The following TMEM150C variants were observed in gnomAD, a reference collection of about 807,000 sequenced individuals.
TMEM150C encodes the protein tentonin 3.
Under a neutral mutation model 29.9 loss-of-function variants are expected in TMEM150C, and 10 were observed. That is an observed-to-expected ratio of 0.33 (90% confidence interval 0.21 to 0.57). The LOEUF (loss-of-function observed/expected upper bound fraction) is 0.57, where lower values mean the gene tolerates loss of function less well. TMEM150C is among the 20% of genes least tolerant of loss of function. The pLI is 0.88. For missense variants in TMEM150C, 251 were observed against 303.6 expected (o/e 0.83, Z 1.29); for synonymous variants, 101 against 112.5 (o/e 0.90, Z 0.64).
chr4:82,491,073 A>T (rs772621777), intron 6 of TMEM150C: 90 of 716,126 alleles, frequency 1.3e-4, no homozygotes, highest in Non-Finnish European at 2.2e-4. Context: ...CTTCCTCTTG[A>T]TAATGCAGCA....
intron 1 of TMEM150C, among the ~76,000 whole-genome samples, chr4:82,524,430 C>T (rs139616145): frequency 3.3e-5 from 5 of 152,134 alleles, no homozygotes; most frequent in Admixed American, 6.5e-5. Context: ...GGGACCCCCA[C>T]GTTTCATTAT....
chr4:82,504,425 T>C (rs1402654061), intron 2 of TMEM150C, among the ~76,000 whole-genome samples, 153 bp downstream of exon 2: 1 of 152,090 alleles, frequency 6.6e-6, no homozygotes, highest in Non-Finnish European at 1.5e-5. Context: ...GGTCTCAAAC[T>C]CCTGACCTCA....
At position 82,490,097 on chromosome 4, in the gene TMEM150C, T is replaced by G. The variant is rs1403220977; in HGVS notation, c.505A>C (p.Ile169Leu). The G allele has an allele frequency of 4.3e-6, 7 of 1,613,998 alleles. No homozygotes were observed. In the South Asian group the frequency reaches 7.7e-5, roughly 18 times the overall value. Reference sequence around the variant, plus strand: ...CAGAGAGTGATAGATGCCGACAGAATAACCCGTGGAATTCCAACTCTCCGT... The same window carrying G: ...CAGAGAGTGATAGATGCCGACAGAAGAACCCGTGGAATTCCAACTCTCCGT... The part of the protein sequence containing the change: ...EGRRVGIPRV[I>L]LSASITLCVV... Residue 169 changes from isoleucine to leucine, a missense_variant, in exon 7 of 8, where the codon ATT becomes CTT. Transcript: ENST00000449862.
chr4:82,518,303 G>A lies in TMEM150C; in HGVS notation c.-10-13636C>T, dbSNP rs142240542. Reference sequence around the variant, plus strand: ...TCCACTCCAGCCTGGATGACAGAGCGAGACCCCATCTCAAAAAAAAAAAAA... The same window carrying A: ...TCCACTCCAGCCTGGATGACAGAGCAAGACCCCATCTCAAAAAAAAAAAAA... On this transcript the variant is annotated intron_variant, in intron 1 of 7. Transcript: ENST00000449862. Among the ~76,000 whole-genome samples, 1,362 of 151,572 alleles carry A rather than the reference G, an allele frequency of 9.0e-3. 25 individuals are homozygous for A. The highest frequency in any genetic ancestry group is 0.03 in the African/African-American group (1,259 of 41,292).
chr4:82,495,715 C>G (rs1253044891), intron 6 of TMEM150C: 3 of 302,072 alleles, frequency 9.9e-6, no homozygotes, highest in Middle Eastern at 4.1e-4. Flanking sequence ...AAACAAGAAA[C>G]CTTGTTTGTT....
In TMEM150C at chr4:82,503,052, A is replaced by C; in HGVS notation, c.134+7T>G. The C allele has an allele frequency of 6.2e-7, 1 of 1,612,556 alleles. No individual in the cohort carries two copies. Among genetic ancestry groups the C allele is most frequent in the Non-Finnish European group, 8.5e-7 (1 of 1,179,314 alleles). ...TGAACAACGAATTACCCACAGATAA[A>C]CTTTACCTTTCAGCTGAATTTAATG... is the stretch of plus-strand genomic sequence containing the variant. On this transcript the variant is annotated splice_region_variant and intron_variant, in intron 3 of 7. Transcript: ENST00000449862.
At chr4:82,510,932 C>A (rs958120863) in intron 1 of TMEM150C, among the ~76,000 whole-genome samples, 6 of 152,174 alleles carry the variant, frequency 3.9e-5, no homozygotes, top group African/African-American at 1.4e-4. Flanking sequence ...ATTATCTTAT[C>A]ATTCATTTGT....
intron 1 of TMEM150C, among the ~76,000 whole-genome samples, chr4:82,561,417 T>A (rs1317962505): frequency 1.3e-5 from 2 of 152,224 alleles, no homozygotes; most frequent in Non-Finnish European, 2.9e-5. Context: ...CGAGCCAGCC[T>A]GACCTGGCTA....
intron 1 of TMEM150C, among the ~76,000 whole-genome samples, chr4:82,530,269 G>A (rs1724796571): frequency 6.6e-6 from 1 of 151,976 alleles, no homozygotes; most frequent in Admixed American, 6.6e-5. Context: ...AAACCATCCT[G>A]TTCAGGGGCC....
intron 1 of TMEM150C, among the ~76,000 whole-genome samples, chr4:82,556,790 A>T (rs1725750640): frequency 6.6e-6 from 1 of 152,346 alleles, no homozygotes; most frequent in South Asian, 2.1e-4. Flanking sequence ...AATAAAAAAG[A>T]TTATATGGAG....
chr4:82,541,113 C>A (rs1453149419), intron 1 of TMEM150C, among the ~76,000 whole-genome samples: 1 of 152,110 alleles, frequency 6.6e-6, no homozygotes, highest in Non-Finnish European at 1.5e-5. Context: ...CAGGGTTTGG[C>A]ACATACTAGA....
At chr4:82,531,646 G>A (rs1042553326) in intron 1 of TMEM150C, among the ~76,000 whole-genome samples, 4 of 151,412 alleles carry the variant, frequency 2.6e-5, no homozygotes, top group African/African-American at 9.7e-5. Context: ...TCCCAGGTAC[G>A]TGGGAGGCTG....
chr4:82,527,849 T>TTCATTGGTTG (rs1168412039), intron 1 of TMEM150C, among the ~76,000 whole-genome samples: 1 of 152,208 alleles, frequency 6.6e-6, no homozygotes, highest in Non-Finnish European at 1.5e-5. Flanking sequence ...GTTGAAAGCT[T>TTCATTGGTTG]GAATCCAATG....
chr4:82,506,459 G>A (rs1723924353), intron 1 of TMEM150C, among the ~76,000 whole-genome samples: 1 of 152,168 alleles, frequency 6.6e-6, no homozygotes, highest in African/African-American at 2.4e-5. Context: ...ACAGAATAGA[G>A]TTGAAAGATA....
rs1427205631 is a variant in TMEM150C at position 82,484,089 on chromosome 4, C to A, written c.*1422G>T. ...TTACAGGTGTGAGCCCCACACCCAGCCTAAAAAATGTTTTTCATATTATAT... is the reference window on the plus strand; with the variant it reads ...TTACAGGTGTGAGCCCCACACCCAGACTAAAAAATGTTTTTCATATTATAT... On this transcript the variant is annotated 3_prime_UTR_variant, in exon 8 of 8. Coordinates refer to ENST00000449862, the MANE Select transcript of TMEM150C (RefSeq NM_001080506.3). 1.3e-5 allele frequency: 2 copies of A among 151,986 alleles called. No homozygotes were observed. The highest frequency in any genetic ancestry group is 2.9e-5 in the Non-Finnish European group (2 of 68,012). The allele number at this position is 151,986 out of a possible 1,614,324, so 9.4% of individuals were successfully genotyped here.
intron 1 of TMEM150C, among the ~76,000 whole-genome samples, chr4:82,549,689 T>C (rs1382791903): frequency 2.0e-5 from 3 of 152,246 alleles, no homozygotes; most frequent in Non-Finnish European, 4.4e-5. Context: ...CAAAGCTCTT[T>C]AAACTTTTTC....
At chr4:82,523,489 G>A (rs1441062530) in intron 1 of TMEM150C, among the ~76,000 whole-genome samples, 1 of 152,154 alleles carries the variant, frequency 6.6e-6, no homozygotes, top group African/African-American at 2.4e-5. Flanking sequence ...AGGAACATGT[G>A]AGGCAAGGGC....
intron 1 of TMEM150C, among the ~76,000 whole-genome samples, chr4:82,553,224 A>C (rs953485787): frequency 1.3e-5 from 2 of 152,346 alleles, no homozygotes; most frequent in Middle Eastern, 3.4e-3. Flanking sequence ...CTCCTATCGA[A>C]AAAACATCAA....
At chr4:82,528,968 AG>A (rs1724745767) in intron 1 of TMEM150C, among the ~76,000 whole-genome samples, 1 of 152,126 alleles carries the variant, frequency 6.6e-6, no homozygotes, top group African/African-American at 2.4e-5. Flanking sequence ...TCTCAAGTTC[AG>A]GTAAGTGGTC....
Sources: allele counts gnomAD v4.1 joint callset (sites outside exome capture counted in the v4.1 genomes callset), GRCh38; gene constraint gnomAD v4.1.1; transcripts MANE v1.5; gene names NCBI Gene and HGNC (gene_info 2026-07-23, HGNC 2026-07-21).